The following ANKRD30A variants were observed in gnomAD, a reference collection of about 807,000 sequenced individuals.
ANKRD30A encodes the protein ankyrin repeat domain-containing protein 30A.
ANKRD30A carries 170 observed loss-of-function variants against 166.3 expected under a neutral mutation model. That is an observed-to-expected ratio of 1.02 (90% CI 0.90 to 1.16). The LOEUF is 1.16. Among genes scored for constraint, ANKRD30A ranks in the 50% most tolerant of loss-of-function variants. ANKRD30A has a pLI of 0.00. For synonymous variants in ANKRD30A, 564 were observed against 508.9 expected (o/e 1.11, Z -1.46); for missense variants, 1,630 against 1,518.0 (o/e 1.07, Z -1.23).
chr10:37,238,665 A>C, the ANKRD30A span, among the ~76,000 whole-genome samples: 6 of 152,238 alleles, frequency 3.9e-5, no homozygotes, highest in African/African-American at 7.2e-5. Context: ...GAAGTAATGT[A>C]ATCTATTACA....
At chr10:37,250,707 T>C in the ANKRD30A span, among the ~76,000 whole-genome samples, 1 of 152,106 alleles carries the variant, frequency 6.6e-6, no homozygotes, top group East Asian at 1.9e-4. Flanking sequence ...CCCTGCGCCA[T>C]GTGAGATATA....
the ANKRD30A span, among the ~76,000 whole-genome samples, chr10:37,247,594 G>A: frequency 1.1e-4 from 17 of 151,576 alleles, no homozygotes; most frequent in Admixed American, 4.6e-4. Context: ...TAACTAGGCC[G>A]GGCACAGTGG....
intron 9 of ANKRD30A, among the ~76,000 whole-genome samples, chr10:37,149,047 A>G (rs1209209867): frequency 6.6e-6 from 1 of 152,044 alleles, no homozygotes; most frequent in Non-Finnish European, 1.5e-5. Flanking sequence ...TTCCATGATG[A>G]GTTTTATACA....
chr10:37,135,537 T>C (rs540584102), intron 5 of ANKRD30A, among the ~76,000 whole-genome samples: 1 of 152,318 alleles, frequency 6.6e-6, no homozygotes, highest in East Asian at 1.9e-4. Context: ...AGTAGGCATC[T>C]CAGAAATGAG....
chr10:37,197,365 G>C (rs1157386491), intron 28 of ANKRD30A, 43 bp from the exon 29 acceptor site: 35 of 1,612,560 alleles, frequency 2.2e-5, no homozygotes, highest in Non-Finnish European at 3.0e-5. Flanking sequence ...ATTTTGTGAA[G>C]TATACATTCT....
intron 1 of ANKRD30A, 142 bp downstream of exon 1, chr10:37,126,150 C>T (rs1197993333): frequency 2.3e-6 from 2 of 876,034 alleles, no homozygotes; most frequent in Non-Finnish European, 3.5e-6. Flanking sequence ...CCATCCTGGG[C>T]CCTCGGGTCT....
intron 27 of ANKRD30A, 48 bp from the exon 28 acceptor site, chr10:37,197,233 C>T: frequency 6.2e-7 from 1 of 1,603,158 alleles, no homozygotes; most frequent in Non-Finnish European, 8.5e-7. Context: ...TTGTGGCTGG[C>T]TTGTCATATT....
chr10:37,191,623 T>C (rs906109541), intron 25 of ANKRD30A, among the ~76,000 whole-genome samples: 1 of 152,038 alleles, frequency 6.6e-6, no homozygotes, highest in Admixed American at 6.6e-5. Flanking sequence ...AAATCATATA[T>C]AAATGGTTGT....
At chr10:37,198,047 C>A (rs1050830364) in intron 29 of ANKRD30A, among the ~76,000 whole-genome samples, 1 of 151,922 alleles carries the variant, frequency 6.6e-6, no homozygotes, top group Non-Finnish European at 1.5e-5. Context: ...TTATTCATTT[C>A]TTTGTGAATA....
At chr10:37,157,214 C>A (rs1324512164) in intron 13 of ANKRD30A, among the ~76,000 whole-genome samples, 1 of 152,098 alleles carries the variant, frequency 6.6e-6, no homozygotes, top group African/African-American at 2.4e-5. Context: ...TAACACCTGG[C>A]ACGGTGTAAC....
intron 18 of ANKRD30A, among the ~76,000 whole-genome samples, chr10:37,165,377 T>C (rs1839238861): frequency 3.3e-5 from 5 of 152,202 alleles, no homozygotes; most frequent in African/African-American, 1.2e-4. Flanking sequence ...GCCAAAGTGG[T>C]ATAGTGTAAA....
the ANKRD30A span, among the ~76,000 whole-genome samples, chr10:37,258,813 A>G: frequency 6.6e-6 from 1 of 151,726 alleles, no homozygotes; most frequent in African/African-American, 2.4e-5. Context: ...AATACAAAAA[A>G]TTAGCCAGGC....
chr10:37,204,824 T>C (rs570850019), intron 31 of ANKRD30A, among the ~76,000 whole-genome samples: 1 of 152,208 alleles, frequency 6.6e-6, no homozygotes, highest in Non-Finnish European at 1.5e-5. Context: ...AAGATATTTA[T>C]GCAGACAACA....
chr10:37,157,516 C>T (rs1263946207), intron 13 of ANKRD30A, among the ~76,000 whole-genome samples: 4 of 152,140 alleles, frequency 2.6e-5, no homozygotes, highest in African/African-American at 7.2e-5. Flanking sequence ...CAGGCATGTA[C>T]CACCATACCT....
chr10:37,229,113 C>T (rs142038808), intron 34 of ANKRD30A, among the ~76,000 whole-genome samples: 159 of 152,050 alleles, frequency 1.0e-3, no homozygotes, highest in Non-Finnish European at 2.0e-3. Flanking sequence ...GCCAGATCAC[C>T]TACATTGGAG....
chr10:37,153,444 C>G, intron 12 of ANKRD30A, 128 bp from the exon 13 acceptor site: 1 of 1,377,874 alleles, frequency 7.3e-7, no homozygotes, highest in East Asian at 2.4e-5. Context: ...TATGTATCTG[C>G]ACTTAAGTCG....
intron 31 of ANKRD30A, among the ~76,000 whole-genome samples, chr10:37,205,425 A>G: frequency 6.7e-6 from 1 of 149,872 alleles, no homozygotes. Context: ...CAGGAAGTGC[A>G]ACATCACACA....
chr10:37,258,818 C>G, the ANKRD30A span, among the ~76,000 whole-genome samples: 8 of 151,444 alleles, frequency 5.3e-5, no homozygotes, highest in African/African-American at 1.7e-4. Context: ...AAAAAATTAG[C>G]CAGGCATGGT....
chr10:37,154,673 T>C (rs1838229834), intron 13 of ANKRD30A, among the ~76,000 whole-genome samples: 1 of 152,192 alleles, frequency 6.6e-6, no homozygotes, highest in Admixed American at 6.5e-5. Context: ...GAGATTATTT[T>C]TGCTAAAGCA....
Sources: gnomAD v4.1 joint callset for allele counts (sites outside exome capture counted in the v4.1 genomes callset) on GRCh38, gnomAD v4.1.1 for gene constraint, MANE v1.5 for transcripts, NCBI Gene and HGNC (gene_info 2026-07-23, HGNC 2026-07-21) for gene names.